Variants in NPM1 observed in about 807,000 individuals in gnomAD.
NPM1 encodes nucleophosmin.
In NPM1, 1 loss-of-function variant was observed where a neutral mutation model predicts 44.1. The ratio of observed to expected loss-of-function variants is 0.02; its 90% CI spans 0.01 to 0.11. The LOEUF (loss-of-function observed/expected upper bound fraction) is 0.11, where lower values mean the gene tolerates loss of function less well. Among genes scored for constraint, NPM1 ranks in the 10% least tolerant of loss-of-function variants. The probability of loss-of-function intolerance (pLI) is 1.00; values close to 1 mark genes in which losing one functional copy is unlikely to be tolerated. For synonymous variants in NPM1, 126 were observed against 111.8 expected (o/e 1.13, Z -0.80); for missense variants, 197 against 347.8 (o/e 0.57, Z 3.45).
chr5:171,403,775 GGGC>G (rs1771392418), intron 8 of NPM1, among the ~76,000 whole-genome samples: 1 of 125,894 alleles, frequency 7.9e-6, no homozygotes, highest in East Asian at 2.5e-4. Context: ...GCGGCTGGCC[GGGC>G]AGAGGGGCTC....
intron 7 of NPM1, 172 bp from the exon 8 acceptor site, chr5:171,400,667 C>T (rs553601573): frequency 5.4e-5 from 28 of 521,706 alleles, no homozygotes; most frequent in South Asian, 2.0e-4. Flanking sequence ...AGGCTGGTCT[C>T]GAACTCCTGA....
chr5:171,402,974 TTTA>T (rs1365827050), intron 8 of NPM1, among the ~76,000 whole-genome samples: 45 of 76,790 alleles, frequency 5.9e-4, no homozygotes, highest in East Asian at 2.4e-3. Flanking sequence ...TTTCATTTTA[TTTA>T]TTTATTTATT....
chr5:171,396,535 C>T (rs888636981), intron 6 of NPM1, among the ~76,000 whole-genome samples: 4 of 152,080 alleles, frequency 2.6e-5, no homozygotes, highest in African/African-American at 4.8e-5. Context: ...AATATTTCTT[C>T]GGTATTGGAA....
chr5:171,404,231 G>A (rs1771435574), intron 8 of NPM1, among the ~76,000 whole-genome samples: 1 of 106,532 alleles, frequency 9.4e-6, no homozygotes, highest in African/African-American at 3.7e-5. Context: ...CGGGCGGGGG[G>A]TTGACCCCCC....
chr5:171,400,312 GATC>G (rs1771127229), intron 7 of NPM1, 102 bp downstream of exon 7: 1 of 1,455,934 alleles, frequency 6.9e-7, no homozygotes, highest in Non-Finnish European at 9.5e-7. Flanking sequence ...TGGTGTGGGA[GATC>G]ATCTCATACT....
intron 9 of NPM1, among the ~76,000 whole-genome samples, chr5:171,405,897 T>C (rs1223356266): frequency 6.6e-6 from 1 of 152,204 alleles, no homozygotes; most frequent in African/African-American, 2.4e-5. Flanking sequence ...TGTCACCAGT[T>C]AATACATGTA....
At position 171,387,887 on chromosome 5, in the gene NPM1, T is replaced by G. The variant is rs1030760577; in HGVS notation, c.-62T>G. ...GATTCCGTCCTGCGCGGTTGTTCTC[T>G]GGAGCAGCGTTCTTTTATCTCCGTC... On this transcript the variant is annotated 5_prime_UTR_variant, in exon 1 of 11. Transcript: ENST00000296930. The G allele has an allele frequency of 1.3e-6, 2 of 1,519,196 alleles. No homozygotes were observed. Among genetic ancestry groups the G allele is most frequent in the Admixed American group, 3.4e-5 (2 of 59,542 alleles). 94.1% of individuals were successfully genotyped at this position (1,519,196 alleles called of 1,614,324 possible).
chr5:171,406,511 C>A, intron 9 of NPM1: 2 of 1,577,304 alleles, frequency 1.3e-6, no homozygotes, highest in Admixed American at 3.5e-5. Flanking sequence ...AGACTGAAGT[C>A]TTCTATTTTA....
At chr5:171,405,874 C>T (rs1192300211) in intron 9 of NPM1, 1 of 183,994 alleles carries the variant, frequency 5.4e-6, no homozygotes, top group Non-Finnish European at 1.1e-5. Context: ...TCTCTTTGCC[C>T]TTTACACCAA....
intron 2 of NPM1, among the ~76,000 whole-genome samples, chr5:171,390,859 A>T (rs1770537921): frequency 6.6e-6 from 1 of 151,978 alleles, no homozygotes; most frequent in South Asian, 2.1e-4. Context: ...AGTAGCTGGG[A>T]TTACAGGCAT....
intron 4 of NPM1, among the ~76,000 whole-genome samples, chr5:171,392,087 GCAC>G (rs1218938352): frequency 6.6e-6 from 1 of 152,056 alleles, no homozygotes; most frequent in Non-Finnish European, 1.5e-5. Context: ...CCACAGACGT[GCAC>G]CACCAAGTCC....
chr5:171,392,043 G>A (rs976445824), intron 4 of NPM1, among the ~76,000 whole-genome samples: 3 of 152,156 alleles, frequency 2.0e-5, no homozygotes, highest in Admixed American at 6.5e-5. Context: ...GGATTCAAGC[G>A]ATCCTCCTGT....
Position 171,407,758 on chromosome 5 carries a change from G to A in NPM1, c.830G>A (p.Arg277Gln), listed in dbSNP as rs777550167. 2 of 1,608,710 alleles carry A rather than the reference G, an allele frequency of 1.2e-6. No individual in the cohort carries two copies. The highest frequency in any genetic ancestry group is 1.7e-6 in the Non-Finnish European group (2 of 1,175,558). ...KFINYVKNCF[R>Q]MTDQEAIQDL... ...ATCAATTATGTGAAGAATTGCTTCC[G>A]GATGACTGACCAAGAGGTAACTGGA... The change falls in exon 10 of 11, where the codon CGG becomes CAG. Residue 277 changes from arginine (R) to glutamine (Q), a missense_variant. Arg to Gln is a conservative substitution (Grantham distance 43). Around this residue, in one of 5 missense-constraint regions of NPM1, gnomAD observed 47 missense variants for 106.5 expected, o/e 0.44. Coordinates refer to ENST00000296930, the MANE Select transcript of NPM1 (RefSeq NM_002520.7).
chr5:171,389,939 T>C, intron 1 of NPM1, 112 bp from the exon 2 acceptor site: 2 of 665,822 alleles, frequency 3.0e-6, no homozygotes, highest in African/African-American at 1.8e-5. Context: ...CTCTGGTAGC[T>C]AAAATAGTGA....
intron 4 of NPM1, 116 bp from the exon 5 acceptor site, chr5:171,392,594 T>G: frequency 1.8e-6 from 1 of 553,554 alleles, no homozygotes; most frequent in Non-Finnish European, 2.9e-6. Flanking sequence ...CTCTTTTTTT[T>G]TTTTTTTTTA....
At chr5:171,394,516 G>A (rs1458136213) in intron 6 of NPM1, among the ~76,000 whole-genome samples, 1 of 152,086 alleles carries the variant, frequency 6.6e-6, no homozygotes, top group Non-Finnish European at 1.5e-5. Context: ...TACTCAGACT[G>A]GACTTGAATC....
chr5:171,387,639 C>T, upstream of NPM1: 1 of 369,356 alleles, frequency 2.7e-6, no homozygotes, highest in South Asian at 5.1e-5. Flanking sequence ...GGGGTGGGGC[C>T]AGTGTACGAG....
In NPM1 at chr5:171,405,294, T is replaced by C. The variant is rs753695382; in HGVS notation, c.670-8T>C. 1.4e-6 allele frequency: 2 copies of C among 1,428,114 alleles called. No individual in the cohort carries two copies. Among genetic ancestry groups the C allele is most frequent in the Non-Finnish European group, 1.9e-6 (2 of 1,028,190 alleles). The allele number at this position is 1,428,114 out of a possible 1,614,324, so 88.5% of individuals were successfully genotyped here. ...TTATGACCTTTTGGAAATTCATTTC[T>C]TTTTCAGGGACAAGAATCCTTCAAG... On this transcript the variant is annotated splice_polypyrimidine_tract_variant and splice_region_variant and intron_variant, in intron 8 of 10. Coordinates refer to ENST00000296930, the MANE Select transcript of NPM1 (RefSeq NM_002520.7).
chr5:171,410,416 C>CTGGT lies in NPM1; in HGVS notation c.847-110_847-107dup. Reference sequence around the variant, plus strand: ...CATATCTTTATCTAGAGTTAACTCTCTGGTGGTAGAATGAAAAATAGATGT... The same window carrying CTGGT: ...CATATCTTTATCTAGAGTTAACTCTCTGGTTGGTGGTAGAATGAAAAATAGATGT... On this transcript the variant is annotated intron_variant, in intron 10 of 10. Transcript: ENST00000296930. 3 of 602,296 alleles carry CTGGT rather than the reference C, an allele frequency of 5.0e-6. No homozygotes were observed. In the South Asian group the frequency reaches 8.4e-5, roughly 17 times the overall value. The allele number at this position is 602,296 out of a possible 1,614,324, so 37.3% of individuals were successfully genotyped here.
Sources: gnomAD v4.1 joint callset for allele counts (sites outside exome capture counted in the v4.1 genomes callset) on GRCh38, gnomAD v4.1.1 for gene constraint, gnomAD v4.1.1 regional missense constraint, MANE v1.5 for transcripts, NCBI Gene and HGNC (gene_info 2026-07-23, HGNC 2026-07-21) for gene names.